Variants in CNOT1 observed in about 807,000 individuals in gnomAD.
CNOT1 encodes the protein CCR4-associated factor 1.
Under a neutral mutation model 273.8 loss-of-function variants are expected in CNOT1, and 15 were observed. The ratio of observed to expected loss-of-function variants is 0.05; its 90% CI spans 0.04 to 0.08. The LOEUF (loss-of-function observed/expected upper bound fraction) is 0.08. CNOT1 is among the 10% of genes least tolerant of loss of function. The probability of loss-of-function intolerance (pLI) is 1.00; values close to 1 mark genes in which losing one functional copy is unlikely to be tolerated. For missense variants in CNOT1, 1,644 were observed against 2,912.2 expected (o/e 0.56, Z 10.02); for synonymous variants, 1,022 against 1,005.5 (o/e 1.02, Z -0.31).
At chr16:58,575,729 G>A (rs1430504413) in intron 14 of CNOT1, among the ~76,000 whole-genome samples, 2 of 152,106 alleles carry the variant, frequency 1.3e-5, no homozygotes, top group Non-Finnish European at 2.9e-5. Flanking sequence ...AACCCGGGAG[G>A]CAGAGATTGC....
Position 58,560,070 on chromosome 16 carries a change from A to G in CNOT1, c.2130+142T>C, listed in dbSNP as rs1342628776. 10 of 1,514,738 alleles carry G rather than the reference A, an allele frequency of 6.6e-6. No individual in the cohort carries two copies. In the East Asian group the frequency reaches 1.6e-4, roughly 25 times the overall value. The allele number at this position is 1,514,738 out of a possible 1,614,324, so 93.8% of individuals were successfully genotyped here. On this transcript the variant is annotated intron_variant, in intron 17 of 48. Coordinates refer to ENST00000317147, the MANE Select transcript of CNOT1 (RefSeq NM_016284.5). ...ATTGTTAACTACAATGCCTATTTAC[A>G]TATCTCCTTTAAAATAAGTGGATGC...
intron 25 of CNOT1, among the ~76,000 whole-genome samples, chr16:58,548,023 A>G (rs2040317244): frequency 6.6e-6 from 1 of 152,226 alleles, no homozygotes. Context: ...TTTAAAGCAG[A>G]GACCTAACTA....
intron 1 of CNOT1, among the ~76,000 whole-genome samples, chr16:58,610,798 G>A (rs923859680): frequency 3.5e-5 from 5 of 143,206 alleles, no homozygotes; most frequent in African/African-American, 5.2e-5. Flanking sequence ...AGCCGAGGTC[G>A]CACCACTGCA....
intron 16 of CNOT1, among the ~76,000 whole-genome samples, chr16:58,562,829 CA>C (rs200941641): frequency 0.013 from 1,953 of 151,606 alleles, 45 homozygotes; most frequent in African/African-American, 0.046. Context: ...TCTTAAACAA[CA>C]AAAAAAAGCA....
rs1004847911 is a variant in CNOT1, at chr16:58,613,232, T to C, written c.-174-13721A>G. 2.0e-5 allele frequency among the ~76,000 whole-genome samples: 3 copies of C among 151,836 alleles called. No homozygotes were observed. In the East Asian group the frequency reaches 5.8e-4, roughly 29 times the overall value. On this transcript the variant is annotated intron_variant, in intron 1 of 48. Transcript: ENST00000317147. The stretch of plus-strand genomic sequence containing the variant: ...TATTTTTAGTAGAGATGGGGTTTCA[T>C]CATGTTGGCCAGGCTGGTCTTGAAC...
In CNOT1 at chr16:58,576,526, C is replaced by T. The variant is rs201250006; in HGVS notation, c.1641G>A (p.Met547Ile). The T allele has an allele frequency of 2.3e-4, 365 of 1,614,082 alleles. 2 individuals are homozygous for T. The highest frequency in any genetic ancestry group is 1.9e-3 in the South Asian group (172 of 91,082). ...LIMHAMAEWY[M>I]RGEQYDQAKL... ...TGGCCTGATCATACTGCTCCCCTCT[C>T]ATGTACCATTCTGCCATTGCATGCA... Residue 547 changes from methionine to isoleucine, a missense_variant, in exon 14 of 49, where the codon ATG (methionine) becomes ATA (isoleucine). Met to Ile is a conservative substitution (Grantham distance 10). Coordinates refer to ENST00000317147, the MANE Select transcript of CNOT1 (RefSeq NM_016284.5).
Position 58,539,886 on chromosome 16 carries a change from G to A in CNOT1, c.4874C>T (p.Ala1625Val). Residue 1625 changes from alanine to valine, a missense_variant, in exon 35 of 49, where the codon GCC becomes GTC. By Grantham distance (64) the Ala-to-Val change is moderately conservative (BLOSUM62 0). Transcript: ENST00000317147. ...CITELEQHLH[A>V]IPPTLAMNPQ... The stretch of plus-strand genomic sequence containing the variant: ...GTTCATGGCCAAAGTTGGTGGGATG[G>A]CATGTAGATGTTGCTCCAGTTCTGT... The A allele has an allele frequency of 6.2e-7, 1 of 1,614,170 alleles. No individual in the cohort carries two copies. Among genetic ancestry groups the A allele is most frequent in the East Asian group, 2.2e-5 (1 of 44,886 alleles).
chr16:58,566,088 T>C (rs529491364), intron 16 of CNOT1, among the ~76,000 whole-genome samples: 2 of 152,346 alleles, frequency 1.3e-5, no homozygotes, highest in African/African-American at 2.4e-5. Flanking sequence ...ACACATGATG[T>C]AGGTTTCAGA....
At chr16:58,585,967 T>C (rs746332968) in intron 7 of CNOT1, among the ~76,000 whole-genome samples, 3 of 151,928 alleles carry the variant, frequency 2.0e-5, no homozygotes, top group East Asian at 2.0e-4. Context: ...GAATGGATGT[T>C]AATCCACTAT....
intron 11 of CNOT1, 145 bp downstream of exon 11, chr16:58,581,200 A>C: frequency 1.1e-6 from 1 of 909,162 alleles, no homozygotes; most frequent in Non-Finnish European, 1.6e-6. Flanking sequence ...TATTCCTTCA[A>C]TACTTATGGA....
In CNOT1 at chr16:58,520,771, A is replaced by G. The variant is rs3200465; in HGVS notation, c.*187T>C. On this transcript the variant is annotated 3_prime_UTR_variant, in exon 49 of 49. Transcript: ENST00000317147. ...CTAAATTTTGGCCAAGAGTCAAAAA[A>G]ATGCATTTAAACTTTGGAACGTGCC... is the stretch of plus-strand genomic sequence containing the variant. 2 of 605,312 alleles carry G rather than the reference A, an allele frequency of 3.3e-6. No individual in the cohort carries two copies. The highest frequency in any genetic ancestry group is 5.7e-6 in the Non-Finnish European group (2 of 348,100). 37.5% of individuals were successfully genotyped at this position (605,312 alleles called of 1,614,324 possible).
Position 58,547,746 on chromosome 16 carries a change from A to C in CNOT1, c.3523-64T>G. The C allele has an allele frequency of 6.7e-7, 1 of 1,485,684 alleles. No individual in the cohort carries two copies. The highest frequency in any genetic ancestry group is 9.1e-7 in the Non-Finnish European group (1 of 1,096,442). 92.0% of individuals were successfully genotyped at this position (1,485,684 alleles called of 1,614,324 possible). On this transcript the variant is annotated intron_variant, in intron 25 of 48. Transcript: ENST00000317147. This position sits in a 1 kb window ranked among gnomAD's most constrained non-coding sequence, Gnocchi z 4.0. Reference sequence around the variant, plus strand: ...CTTATGAAAGAAAACTCAACTAAGTATTTGAGAATTCCATTATCCTATCCT... The same window carrying C: ...CTTATGAAAGAAAACTCAACTAAGTCTTTGAGAATTCCATTATCCTATCCT...
At chr16:58,616,734 T>A (rs1399901149) in intron 1 of CNOT1, among the ~76,000 whole-genome samples, 7 of 152,180 alleles carry the variant, frequency 4.6e-5, no homozygotes. Context: ...TTGGCAGCAT[T>A]TTTTTCAATA....
rs76881424 is a variant in CNOT1 at position 58,539,193 on chromosome 16, C to T, written c.4993-279G>A. ...GATCCAAATTATTGGATCAACTTGT[C>T]CCTCAAAATCTAAAGGGCAGCTGGG... On this transcript the variant is annotated intron_variant, in intron 35 of 48. Transcript: ENST00000317147. Among the ~76,000 whole-genome samples, 279 of 152,124 alleles carry T rather than the reference C, an allele frequency of 1.8e-3. 1 individual carries two copies. Among genetic ancestry groups the T allele is most frequent in the Middle Eastern group, 6.8e-3 (2 of 294 alleles).
At chr16:58,618,658 A>AG (rs948327349) in intron 1 of CNOT1, among the ~76,000 whole-genome samples, 1 of 151,524 alleles carries the variant, frequency 6.6e-6, no homozygotes, top group African/African-American at 2.4e-5. Context: ...CTCAAAAAAA[A>AG]AAAAGAAAAA....
At chr16:58,556,364 C>CA (rs2040630374) in intron 19 of CNOT1, among the ~76,000 whole-genome samples, 1 of 152,242 alleles carries the variant, frequency 6.6e-6, no homozygotes, top group Admixed American at 6.5e-5. Flanking sequence ...GGAATACTTT[C>CA]AACCTCGTGT....
intron 17 of CNOT1, chr16:58,559,906 A>G: frequency 3.0e-6 from 2 of 668,924 alleles, no homozygotes; most frequent in Non-Finnish European, 5.2e-6. Flanking sequence ...TACAAACAAG[A>G]CACATCAGGT....
chr16:58,537,161 T>G lies in CNOT1; in HGVS notation c.5474A>C (p.His1825Pro). The change falls in exon 39 of 49, where the codon CAT becomes CCT. Residue 1825 changes from histidine (H) to proline (P), a missense_variant. By Grantham distance (77) the His-to-Pro change is moderately conservative. Around this residue, in one of 13 missense-constraint regions of CNOT1, gnomAD observed 133 missense variants for 328.2 expected, o/e 0.41. Transcript: ENST00000317147. ...ATGCATCATAAAGTTTGGGCCTCCA[T>G]GAGCACGATCAATCATTGCTTCATA... is the stretch of plus-strand genomic sequence containing the variant. ...SNYEAMIDRA[H>P]GGPNFMMHSG... The G allele has an allele frequency of 5.6e-6, 9 of 1,614,034 alleles. No homozygotes were observed. Among genetic ancestry groups the G allele is most frequent in the Non-Finnish European group, 7.6e-6 (9 of 1,179,930 alleles).
chr16:58,560,746 T>G (rs1368396970), intron 16 of CNOT1, among the ~76,000 whole-genome samples: 1 of 152,166 alleles, frequency 6.6e-6, no homozygotes. Flanking sequence ...AAGTCGAGGC[T>G]GAGCGTAGTG....
Sources: gnomAD v4.1 joint callset for allele counts (sites outside exome capture counted in the v4.1 genomes callset) on GRCh38, gnomAD v4.1.1 for gene constraint, gnomAD v4.1.1 regional missense constraint, Gnocchi (gnomAD v3.1) non-coding constraint, MANE v1.5 for transcripts, NCBI Gene and HGNC (gene_info 2026-07-23, HGNC 2026-07-21) for gene names.